Variants in MIS18BP1 observed in about 807,000 individuals in gnomAD.
The protein encoded by MIS18BP1 is MIS18 binding protein 1, also known as mis18-binding protein 1.
Under a neutral mutation model 116.1 loss-of-function variants are expected in MIS18BP1, and 72 were observed. The ratio of observed to expected loss-of-function variants is 0.62; its 90% CI spans 0.51 to 0.75. The LOEUF (loss-of-function observed/expected upper bound fraction) is 0.75, where lower values mean the gene tolerates loss of function less well. MIS18BP1 is among the 30% of genes least tolerant of loss of function. The pLI is 0.00. For synonymous variants in MIS18BP1, 386 were observed against 427.0 expected (o/e 0.90, Z 1.18); for missense variants, 1,363 against 1,303.2 (o/e 1.05, Z -0.71).
intron 13 of MIS18BP1, among the ~76,000 whole-genome samples, chr14:45,212,351 T>G (rs752028369): frequency 6.6e-6 from 1 of 152,156 alleles, no homozygotes; most frequent in Non-Finnish European, 1.5e-5. Flanking sequence ...CACCGTTAGC[T>G]TCCTCCAGCT....
chr14:45,208,327 GTTGT>G (rs1566800729), intron 14 of MIS18BP1, among the ~76,000 whole-genome samples: 1 of 137,512 alleles, frequency 7.3e-6, no homozygotes, highest in African/African-American at 2.6e-5. Flanking sequence ...AAAGGATGAA[GTTGT>G]TTTTTTTTTT....
At chr14:45,245,105 T>A (rs1891689355) in intron 2 of MIS18BP1, among the ~76,000 whole-genome samples, 2 of 152,340 alleles carry the variant, frequency 1.3e-5, no homozygotes, top group South Asian at 4.1e-4. Context: ...ATTCCTCTTG[T>A]CACATTATCT....
intron 14 of MIS18BP1, chr14:45,210,156 C>A: frequency 2.7e-6 from 1 of 374,396 alleles, no homozygotes; most frequent in Non-Finnish European, 4.7e-6. Context: ...TGATCCATTT[C>A]GAATTGATCC....
chr14:45,231,358 A>G, intron 7 of MIS18BP1, 60 bp from the exon 8 acceptor site: 1 of 1,419,850 alleles, frequency 7.0e-7, no homozygotes, highest in Non-Finnish European at 9.5e-7. Context: ...CAAAACAAAA[A>G]AAATCTTCAT....
chr14:45,224,309 T>C lies in MIS18BP1; in HGVS notation c.2278A>G (p.Met760Val). 1 of 1,613,976 alleles carries C rather than the reference T, an allele frequency of 6.2e-7. No homozygotes were observed. The highest frequency in any genetic ancestry group is 2.2e-5 in the East Asian group (1 of 44,860). The change falls in exon 11 of 17, where the codon ATG (methionine) becomes GTG (valine). Residue 760 changes from methionine to valine, a missense_variant. By Grantham distance (21) the Met-to-Val change is conservative. Coordinates refer to ENST00000310806, the MANE Select transcript of MIS18BP1 (RefSeq NM_018353.5). ...GAGGACTGATGCTTATAAAATGACA[T>C]AGCTACCTGATTTTCTATTTTCTTC... ...KLKKIENQVA[M>V]SFYKHQSSPD...
chr14:45,231,362 T>C, intron 7 of MIS18BP1, 64 bp from the exon 8 acceptor site: 1 of 1,391,200 alleles, frequency 7.2e-7, no homozygotes, highest in African/African-American at 1.5e-5. Flanking sequence ...ACAAAAAAAA[T>C]CTTCATAAAT....
intron 14 of MIS18BP1, among the ~76,000 whole-genome samples, chr14:45,207,837 C>T (rs1487013562): frequency 6.6e-6 from 1 of 151,980 alleles, no homozygotes; most frequent in African/African-American, 2.4e-5. Flanking sequence ...AGTGAAGAAG[C>T]CTAAGAAAAT....
chr14:45,205,439 C>G (rs1416463554), intron 15 of MIS18BP1, among the ~76,000 whole-genome samples: 1 of 151,938 alleles, frequency 6.6e-6, no homozygotes, highest in African/African-American at 2.4e-5. Flanking sequence ...TTCCAGAATC[C>G]TAGTACTTAT....
chr14:45,241,814 A>G, intron 4 of MIS18BP1: 1 of 478,302 alleles, frequency 2.1e-6, no homozygotes, highest in Non-Finnish European at 3.6e-6. Context: ...AATAAGACTT[A>G]ACATGTGGGT....
intron 13 of MIS18BP1, among the ~76,000 whole-genome samples, chr14:45,213,078 ACAAAAAATGGAGACGGAGTCTCCCT>A (rs1890720102): frequency 6.6e-6 from 1 of 152,236 alleles, no homozygotes; most frequent in African/African-American, 2.4e-5. Context: ...GTATTATTTA[ACAAAAAATGGAGACGGAGTCTCCCT>A]ATATTGCCCA....
chr14:45,225,336 A>G (rs965745548), intron 10 of MIS18BP1, among the ~76,000 whole-genome samples: 3 of 152,164 alleles, frequency 2.0e-5, no homozygotes, highest in South Asian at 2.1e-4. Flanking sequence ...TTGTCTTTCA[A>G]TCAGACTGGA....
rs1316151216 is a variant in MIS18BP1, at chr14:45,217,009, T to C, written c.3003+10A>G. On this transcript the variant is annotated intron_variant, in intron 13 of 16. Transcript: ENST00000310806. ...ACAGATAAGGAAAACAATGATTTCA[T>C]GCCTCTTACCAGTATTCTTTGATGC... 1 of 1,611,344 alleles carries C rather than the reference T, an allele frequency of 6.2e-7. No individual in the cohort carries two copies. Among genetic ancestry groups the C allele is most frequent in the Non-Finnish European group, 8.5e-7 (1 of 1,178,652 alleles).
intron 7 of MIS18BP1, 49 bp downstream of exon 7, chr14:45,232,684 A>C (rs1358671035): frequency 1.9e-6 from 2 of 1,042,196 alleles, no homozygotes; most frequent in Non-Finnish European, 2.9e-6. Flanking sequence ...TTAAATGTAA[A>C]TTATATCTCA....
At chr14:45,227,919 G>C in intron 8 of MIS18BP1, 105 bp from the exon 9 acceptor site, 1 of 1,152,458 alleles carries the variant, frequency 8.7e-7, no homozygotes, top group Non-Finnish European at 1.2e-6. Flanking sequence ...GCTCACGCCT[G>C]TAATCCCAGC....
rs1372830437 is a variant in MIS18BP1, at chr14:45,211,547, C to T, written c.3004-1019G>A. ...TTGAAGACTGGAATTTCTGGAATTT[C>T]ACCCACACTTCCCTTTGCTGGCACA... On this transcript the variant is annotated intron_variant, in intron 13 of 16. Coordinates refer to ENST00000310806, the MANE Select transcript of MIS18BP1 (RefSeq NM_018353.5). Among the ~76,000 whole-genome samples, 3 of 152,238 alleles carry T rather than the reference C, an allele frequency of 2.0e-5. No homozygotes were observed. The East Asian group carries it at 5.8e-4, about 29-fold the overall frequency.
intron 1 of MIS18BP1, among the ~76,000 whole-genome samples, chr14:45,252,767 TA>T (rs35727165): frequency 0.23 from 30,881 of 135,502 alleles, 4,532 homozygotes; most frequent in African/African-American, 0.45. Context: ...CTTGGTATTC[TA>T]AAAAAAAAAA....
In MIS18BP1 at chr14:45,242,823, G is replaced by C. The variant is rs374822790; in HGVS notation, c.596C>G (p.Pro199Arg). 1 of 1,613,348 alleles carries C rather than the reference G, an allele frequency of 6.2e-7. No homozygotes were observed. The change falls in exon 3 of 17, where the codon CCG becomes CGG. Residue 199 changes from proline (P) to arginine (R), a missense_variant. Transcript: ENST00000310806. ...CTGGCACTGAATCTTTTGTTTGACC[G>C]GGAGGAAAATATCATTATTTGATGA... is the stretch of plus-strand genomic sequence containing the variant. ...LESSNNDIFL[P>R]VKQKIQCQQE...
In MIS18BP1 at chr14:45,210,421, T is replaced by C. The variant is rs556949002; in HGVS notation, c.3111A>G (p.Gln1037=). 4.3e-6 allele frequency: 7 copies of C among 1,614,032 alleles called. No homozygotes were observed. The East Asian group carries it at 8.9e-5, about 21-fold the overall frequency. ...GCATGCCAGGACTGACATGCTGACATTGAGGAGTTTTTACCAATGGAAAGA... is the reference window on the plus strand; with the variant it reads ...GCATGCCAGGACTGACATGCTGACACTGAGGAGTTTTTACCAATGGAAAGA... The part of the protein sequence containing the change: ...SVIFPLVKTP[Q]CQHVSPGMLG... The change falls in exon 14 of 17, where the codon CAA becomes CAG. Residue 1037 remains glutamine (Q), a synonymous_variant. Coordinates refer to ENST00000310806, the MANE Select transcript of MIS18BP1 (RefSeq NM_018353.5).
At chr14:45,242,603 G>C (rs1225305266) in intron 3 of MIS18BP1, 85 bp from the exon 4 acceptor site, 1 of 1,489,500 alleles carries the variant, frequency 6.7e-7, no homozygotes, top group Non-Finnish European at 8.9e-7. Context: ...GGTTAGGAAC[G>C]TTCCACCCTC....
Sources: gnomAD v4.1 joint callset for allele counts (sites outside exome capture counted in the v4.1 genomes callset) on GRCh38, gnomAD v4.1.1 for gene constraint, MANE v1.5 for transcripts, NCBI Gene and HGNC (gene_info 2026-07-23, HGNC 2026-07-21) for gene names.